CDC40: variants seen among roughly 807,000 people sequenced by gnomAD.
CDC40 encodes pre-mRNA-processing factor 17.
A neutral mutation model predicts 80.6 loss-of-function variants in CDC40; 27 were observed. The ratio of observed to expected loss-of-function variants is 0.33; its 90% CI spans 0.25 to 0.46. The LOEUF (loss-of-function observed/expected upper bound fraction) is 0.46, where lower values mean the gene tolerates loss of function less well. Among genes scored for constraint, CDC40 ranks in the 20% least tolerant of loss-of-function variants. The pLI is 1.00. For missense variants in CDC40, 486 were observed against 694.1 expected (o/e 0.70, Z 3.37); for synonymous variants, 221 against 232.6 (o/e 0.95, Z 0.45).
At chr6:110,188,061 C>G (rs1777298036) in intron 1 of CDC40, among the ~76,000 whole-genome samples, 1 of 152,114 alleles carries the variant, frequency 6.6e-6, no homozygotes, top group Non-Finnish European at 1.5e-5. Context: ...CTGGGACTTA[C>G]TTATATTTTT....
chr6:110,222,201 T>C (rs1280742648), intron 12 of CDC40, among the ~76,000 whole-genome samples: 1 of 149,746 alleles, frequency 6.7e-6, no homozygotes, highest in Non-Finnish European at 1.5e-5. Context: ...GCTGCCGTGG[T>C]CTATGCTTGT....
Position 110,228,916 on chromosome 6 carries a change from T to G in CDC40, c.1502T>G (p.Ile501Ser), listed in dbSNP as rs376777025. 46 of 1,606,756 alleles carry G rather than the reference T, an allele frequency of 2.9e-5. 2 individuals carry two copies. The Middle Eastern group carries it at 5.0e-3, about 173-fold the overall frequency. ...AGATTTAGATTAAATAAGAAAAAAATTTTTAAGGGCCATATGGTAGCAGGC... is the reference window on the plus strand; with the variant it reads ...AGATTTAGATTAAATAAGAAAAAAAGTTTTAAGGGCCATATGGTAGCAGGC... ...QNRFRLNKKK[I>S]FKGHMVAGYA... The change falls in exon 14 of 15, where the codon ATT (isoleucine) becomes AGT (serine). Residue 501 changes from isoleucine to serine, a missense_variant. By Grantham distance (142) the Ile-to-Ser change is moderately radical (BLOSUM62 -2). Transcript: ENST00000307731.
At chr6:110,192,985 G>A (rs1388918962) in intron 1 of CDC40, among the ~76,000 whole-genome samples, 197 bp from the exon 2 acceptor site, 1 of 152,056 alleles carries the variant, frequency 6.6e-6, no homozygotes, top group Non-Finnish European at 1.5e-5. Context: ...TGTTAATAAA[G>A]TCAGTATTTC....
intron 3 of CDC40, among the ~76,000 whole-genome samples, chr6:110,207,072 T>C (rs1048313170): frequency 2.0e-5 from 3 of 152,064 alleles, no homozygotes; most frequent in African/African-American, 7.2e-5. Flanking sequence ...GCCAGCACTT[T>C]GGGAGGCCAA....
chr6:110,192,046 T>C (rs1584062974), intron 1 of CDC40, among the ~76,000 whole-genome samples: 3 of 152,302 alleles, frequency 2.0e-5, no homozygotes, highest in South Asian at 2.1e-4. Context: ...GCCTACTTCC[T>C]GAGAACCAGT....
At position 110,228,877 on chromosome 6, in the gene CDC40, T is replaced by C. The variant is rs371852308; in HGVS notation, c.1463T>C (p.Phe488Ser). 6.2e-7 allele frequency: 1 copy of C among 1,600,370 alleles called. No homozygotes were observed. The highest frequency in any genetic ancestry group is 1.4e-5 in the African/African-American group (1 of 73,958). ...CQSMDNQILIFGAQNRFRLNK... is the reference protein window; with the variant it reads ...CQSMDNQILISGAQNRFRLNK... ...TCAATGGACAACCAAATCTTAATTT[T>C]TGGAGCACAGAACAGATTTAGATTA... Residue 488 changes from phenylalanine (F) to serine (S), a missense_variant, in exon 14 of 15, where the codon TTT (phenylalanine) becomes TCT (serine). Physicochemically the swap from Phe to Ser is radical, Grantham distance 155. This residue lies in a region of CDC40 where 88 missense variants were observed against 138.7 expected (regional missense o/e 0.63). Transcript: ENST00000307731.
rs753936060 is a variant in CDC40, at chr6:110,219,396, G to A, written c.1123G>A (p.Val375Ile). ...QCISRFTNRKVPYCVKFNPDE... is the reference protein window; with the variant it reads ...QCISRFTNRKIPYCVKFNPDE... ...TATATCAAGATTTACAAACCGAAAA[G>A]TACCTTATTGTGTCAAATTCAATCC... is the stretch of plus-strand genomic sequence containing the variant. Residue 375 changes from valine to isoleucine, a missense_variant, in exon 11 of 15, where the codon GTA (valine) becomes ATA (isoleucine). By Grantham distance (29) the Val-to-Ile change is conservative. Around this residue, in one of 3 missense-constraint regions of CDC40, gnomAD observed 381 missense variants for 492.1 expected, o/e 0.77. Transcript: ENST00000307731. The A allele has an allele frequency of 2.5e-6, 4 of 1,601,148 alleles. No individual in the cohort carries two copies. In the African/African-American group the frequency reaches 4.0e-5, roughly 16 times the overall value.
intron 2 of CDC40, 24 bp from the exon 3 acceptor site, chr6:110,201,534 A>AT (rs769615370): frequency 4.8e-5 from 73 of 1,529,140 alleles, no homozygotes; most frequent in South Asian, 2.7e-4. Context: ...ATTTTATTTT[A>AT]TTTTTTTTCT....
At chr6:110,210,260 T>C (rs1777619330) in intron 5 of CDC40, among the ~76,000 whole-genome samples, 1 of 151,856 alleles carries the variant, frequency 6.6e-6, no homozygotes, top group Non-Finnish European at 1.5e-5. Context: ...AATCAGTCTC[T>C]GCTTATAGAA....
chr6:110,201,753 G>T, intron 3 of CDC40, 66 bp downstream of exon 3: 1 of 1,385,372 alleles, frequency 7.2e-7, no homozygotes, highest in Admixed American at 1.8e-5. Context: ...GTGTGTGTTA[G>T]TCTGTTTTAT....
intron 1 of CDC40, among the ~76,000 whole-genome samples, chr6:110,186,483 C>CATAAATAAATAA (rs142888515): frequency 3.3e-5 from 5 of 151,300 alleles, no homozygotes; most frequent in African/African-American, 1.2e-4. Flanking sequence ...GACCCTGTCT[C>CATAAATAAATAA]ATAAATAAAT....
rs140026207 is a variant in CDC40 at position 110,181,843 on chromosome 6, A to G, written c.189+1210A>G. On this transcript the variant is annotated intron_variant, in intron 1 of 14. Coordinates refer to ENST00000307731, the MANE Select transcript of CDC40 (RefSeq NM_015891.3). ...CATCTGACTTAAATGTCTGCATCAA[A>G]TGACACTGTTCATTAGTTCCTCTTT... 8.4e-4 allele frequency among the ~76,000 whole-genome samples: 128 copies of G among 152,278 alleles called. 1 individual carries two copies. Among genetic ancestry groups the G allele is most frequent in the African/African-American group, 1.9e-3 (79 of 41,550 alleles).
At chr6:110,214,467 G>C (rs1279620917) in intron 8 of CDC40, among the ~76,000 whole-genome samples, 1 of 152,204 alleles carries the variant, frequency 6.6e-6, no homozygotes, top group Non-Finnish European at 1.5e-5. Context: ...GAGGAAACAG[G>C]AGTAGAGTAT....
intron 11 of CDC40, 83 bp from the exon 12 acceptor site, chr6:110,219,648 ATCTTC>A: frequency 7.0e-7 from 1 of 1,431,902 alleles, no homozygotes; most frequent in Non-Finnish European, 9.7e-7. Flanking sequence ...CGTGTTGAAG[ATCTTC>A]TCCTTCTCCA....
rs569781594 is a variant in CDC40 at position 110,199,828 on chromosome 6, C to G, written c.277-1730C>G. 2.6e-5 allele frequency among the ~76,000 whole-genome samples: 4 copies of G among 152,208 alleles called. No individual in the cohort carries two copies. In the East Asian group the frequency reaches 5.8e-4, roughly 22 times the overall value. On this transcript the variant is annotated intron_variant, in intron 2 of 14. Coordinates refer to ENST00000307731, the MANE Select transcript of CDC40 (RefSeq NM_015891.3). ...GATTCCCCACCATGCCCCCTCCACC[C>G]CACCTCTGACCAGAAATAGCAGATG...
chr6:110,207,683 T>C, intron 4 of CDC40, 94 bp downstream of exon 4: 2 of 711,174 alleles, frequency 2.8e-6, no homozygotes, highest in South Asian at 3.5e-5. Flanking sequence ...AAAAATAGTA[T>C]TTAGCGCTTT....
intron 2 of CDC40, among the ~76,000 whole-genome samples, chr6:110,199,593 CAAA>C (rs551892639): frequency 1.3e-4 from 11 of 83,434 alleles, no homozygotes; most frequent in Non-Finnish European, 1.3e-4. Flanking sequence ...GACCCTGTCT[CAAA>C]AAAAAAAAAA....
intron 4 of CDC40, 33 bp from the exon 5 acceptor site, chr6:110,209,051 G>GTT (rs200116966): frequency 6.9e-4 from 804 of 1,166,986 alleles, no homozygotes; most frequent in African/African-American, 5.9e-3. Flanking sequence ...TAATCTCTCA[G>GTT]TTTTTTTTTT....
In CDC40 at chr6:110,213,174, AAC is replaced by A; in HGVS notation, c.942+16_942+17del. On this transcript the variant is annotated intron_variant, in intron 8 of 14. Transcript: ENST00000307731. ...TGTAAAATTAAGGTGAGTTTTCAGTAACAGAGTAGGAGTGCTGCAAAGCTAGT... is the reference window on the plus strand; with the variant it reads ...TGTAAAATTAAGGTGAGTTTTCAGTAAGAGTAGGAGTGCTGCAAAGCTAGT... 5.4e-6 allele frequency: 8 copies of A among 1,476,810 alleles called. No homozygotes were observed. Among genetic ancestry groups the A allele is most frequent in the Non-Finnish European group, 7.6e-6 (8 of 1,054,742 alleles). The allele number at this position is 1,476,810 out of a possible 1,614,324, so 91.5% of individuals were successfully genotyped here.
Sources: gnomAD v4.1 joint callset for allele counts (sites outside exome capture counted in the v4.1 genomes callset) on GRCh38, gnomAD v4.1.1 for gene constraint, gnomAD v4.1.1 regional missense constraint, MANE v1.5 for transcripts, NCBI Gene and HGNC (gene_info 2026-07-23, HGNC 2026-07-21) for gene names.